The following CCDC178 variants were observed in gnomAD, a reference collection of about 807,000 sequenced individuals.
CCDC178 encodes coiled-coil domain-containing protein 178.
CCDC178 carries 126 observed loss-of-function variants against 117.4 expected under a neutral mutation model. The observed-to-expected ratio is 1.07, with a 90% CI of 0.93 to 1.24. The LOEUF (loss-of-function observed/expected upper bound fraction) is 1.24, where lower values mean the gene tolerates loss of function less well. CCDC178 is among the 50% of genes most tolerant of loss of function. The pLI is 0.00. For synonymous variants in CCDC178, 283 were observed against 313.4 expected (o/e 0.90, Z 1.02); for missense variants, 1,030 against 986.9 (o/e 1.04, Z -0.59).
chr18:32,943,727 G>T (rs2054289154), intron 22 of CCDC178, among the ~76,000 whole-genome samples: 1 of 152,082 alleles, frequency 6.6e-6, no homozygotes, highest in East Asian at 1.9e-4. Context: ...AAAGCACTAT[G>T]GTATGATTAC....
chr18:33,001,305 G>A (rs1372409202), intron 21 of CCDC178, among the ~76,000 whole-genome samples: 3 of 152,164 alleles, frequency 2.0e-5, no homozygotes, highest in African/African-American at 4.8e-5. Context: ...GGATCACAAG[G>A]TCAGGAGATT....
At chr18:33,112,212 A>G (rs2057793157) in intron 20 of CCDC178, among the ~76,000 whole-genome samples, 1 of 151,796 alleles carries the variant, frequency 6.6e-6, no homozygotes, top group African/African-American at 2.4e-5. Context: ...AAAGCTCCGT[A>G]AGATGACCCC....
chr18:33,282,082 C>A (rs2060032641), intron 12 of CCDC178, among the ~76,000 whole-genome samples: 1 of 152,124 alleles, frequency 6.6e-6, no homozygotes, highest in African/African-American at 2.4e-5. Context: ...GGGGAGAAAG[C>A]TGGGAACCCT....
At chr18:32,945,239 T>C (rs2054320051) in intron 22 of CCDC178, among the ~76,000 whole-genome samples, 1 of 152,172 alleles carries the variant, frequency 6.6e-6, no homozygotes, top group Non-Finnish European at 1.5e-5. Flanking sequence ...GGGAAACGAC[T>C]TGCATATATA....
At chr18:33,081,360 T>C (rs144329343) in intron 21 of CCDC178, among the ~76,000 whole-genome samples, 1 of 152,330 alleles carries the variant, frequency 6.6e-6, no homozygotes, top group African/African-American at 2.4e-5. Context: ...GGTCAATTCA[T>C]GCTGAATAGT....
At chr18:33,226,941 AT>A in intron 15 of CCDC178, 86 bp from the exon 16 acceptor site, 1 of 586,928 alleles carries the variant, frequency 1.7e-6, no homozygotes, top group Non-Finnish European at 3.0e-6. Context: ...TATAAGACAC[AT>A]TTTTAATGTT....
At chr18:33,072,748 C>T (rs2057131044) in intron 21 of CCDC178, among the ~76,000 whole-genome samples, 1 of 152,026 alleles carries the variant, frequency 6.6e-6, no homozygotes, top group African/African-American at 2.4e-5. Flanking sequence ...AATTGTTCTG[C>T]AGGTTTCACT....
intron 11 of CCDC178, among the ~76,000 whole-genome samples, chr18:33,317,586 G>A (rs964936384): frequency 6.6e-6 from 1 of 152,022 alleles, no homozygotes; most frequent in East Asian, 1.9e-4. Context: ...TTTCTTGCAC[G>A]AGATCCAAGA....
intron 10 of CCDC178, among the ~76,000 whole-genome samples, chr18:33,331,018 A>G (rs1439589350): frequency 1.1e-5 from 1 of 93,684 alleles, no homozygotes; most frequent in African/African-American, 6.2e-5. Flanking sequence ...AGCTTTACAC[A>G]AACATTGCTT....
intron 21 of CCDC178, among the ~76,000 whole-genome samples, chr18:32,999,713 C>T (rs575750297): frequency 4.6e-5 from 7 of 152,202 alleles, no homozygotes; most frequent in African/African-American, 1.7e-4. Context: ...TGAGAAAATT[C>T]TTTTAGATTT....
intron 21 of CCDC178, among the ~76,000 whole-genome samples, chr18:32,978,100 G>C (rs1223809466): frequency 6.6e-6 from 1 of 151,740 alleles, no homozygotes; most frequent in African/African-American, 2.4e-5. Context: ...GCTTGAGGTA[G>C]CCATAAAGGC....
At chr18:33,347,066 C>T (rs994049428) in intron 8 of CCDC178, among the ~76,000 whole-genome samples, 3 of 152,150 alleles carry the variant, frequency 2.0e-5, no homozygotes, top group African/African-American at 7.2e-5. Flanking sequence ...ATGTGTAGAG[C>T]CCATTACGTT....
intron 2 of CCDC178, among the ~76,000 whole-genome samples, chr18:33,435,606 G>A (rs2144984609): frequency 6.6e-6 from 1 of 151,692 alleles, no homozygotes; most frequent in South Asian, 2.1e-4. Context: ...GCCATGGAGG[G>A]CTTATTGAAG....
intron 20 of CCDC178, among the ~76,000 whole-genome samples, chr18:33,141,601 T>C (rs2058206082): frequency 6.6e-6 from 1 of 152,192 alleles, no homozygotes; most frequent in Non-Finnish European, 1.5e-5. Context: ...CTTAGTAAAA[T>C]TTGGGATATT....
chr18:33,369,029 C>A (rs1254923680), intron 6 of CCDC178, among the ~76,000 whole-genome samples: 2 of 151,868 alleles, frequency 1.3e-5, no homozygotes, highest in East Asian at 3.9e-4. Flanking sequence ...ATATTAATTT[C>A]TGCTCTTTAT....
chr18:33,111,824 G>A lies in CCDC178; in HGVS notation c.2239-18914C>T, dbSNP rs532981073. 7.9e-5 allele frequency among the ~76,000 whole-genome samples: 12 copies of A among 151,562 alleles called. No homozygotes were observed. The East Asian group carries it at 1.6e-3, about 20-fold the overall frequency. Reference sequence around the variant, plus strand: ...TAACTGGGTAGAAGTGAAAATACACGGTAAGCTATCAAGAAATATTATTAA... The same window carrying A: ...TAACTGGGTAGAAGTGAAAATACACAGTAAGCTATCAAGAAATATTATTAA... On this transcript the variant is annotated intron_variant, in intron 20 of 22. Coordinates refer to ENST00000383096, the MANE Select transcript of CCDC178 (RefSeq NM_001105528.4).
chr18:33,399,079 A>T lies in CCDC178; in HGVS notation c.59-1871T>A, dbSNP rs192089098. 1.3e-3 allele frequency among the ~76,000 whole-genome samples: 205 copies of T among 152,304 alleles called. 1 individual carries two copies. Among genetic ancestry groups the T allele is most frequent in the African/African-American group, 4.8e-3 (200 of 41,574 alleles). ...GCTGGACGTGGTGGCAGGCGCCTGTAGTCCCAGCTACACGGGAGGCTGAGA... is the reference window on the plus strand; with the variant it reads ...GCTGGACGTGGTGGCAGGCGCCTGTTGTCCCAGCTACACGGGAGGCTGAGA... On this transcript the variant is annotated intron_variant, in intron 3 of 22. Transcript: ENST00000383096.
chr18:33,171,551 T>C (rs558395578), intron 20 of CCDC178, among the ~76,000 whole-genome samples: 1 of 152,316 alleles, frequency 6.6e-6, no homozygotes, highest in East Asian at 1.9e-4. Flanking sequence ...AAAGAATGGA[T>C]TACTGAATCG....
chr18:33,320,393 A>T (rs527372767), intron 11 of CCDC178, among the ~76,000 whole-genome samples: 2 of 152,298 alleles, frequency 1.3e-5, no homozygotes, highest in South Asian at 4.1e-4. Flanking sequence ...ACTTCAGCAA[A>T]GTCTCAGGAT....
Sources: gnomAD v4.1 joint callset for allele counts (sites outside exome capture counted in the v4.1 genomes callset) on GRCh38, gnomAD v4.1.1 for gene constraint, MANE v1.5 for transcripts, NCBI Gene and HGNC (gene_info 2026-07-23, HGNC 2026-07-21) for gene names.